Variants in PARM1 observed in about 807,000 individuals in gnomAD.
PARM1 encodes WSC4, cell wall integrity and stress response component 4 homolog.
In PARM1, 14 loss-of-function variants were observed where a neutral mutation model predicts 24.6. The ratio of observed to expected loss-of-function variants is 0.57; its 90% CI spans 0.38 to 0.89. The LOEUF (loss-of-function observed/expected upper bound fraction) is 0.89. Among genes scored for constraint, PARM1 ranks in the 40% least tolerant of loss-of-function variants. PARM1 has a pLI of 0.00. For synonymous variants in PARM1, 179 were observed against 156.6 expected (o/e 1.14, Z -1.07); for missense variants, 362 against 380.4 (o/e 0.95, Z 0.40).
chr4:75,012,561 T>A lies in PARM1; in HGVS notation c.180T>A (p.Thr60=), dbSNP rs2109794505. The part of the protein sequence containing the change: ...DADTASPSNG[T]HNNSVLPVTA... The stretch of plus-strand genomic sequence containing the variant: ...ACACTGCCTCCCCATCCAACGGCAC[T>A]CACAACAACTCGGTGCTCCCAGTTA... The change falls in exon 2 of 4, where the codon ACT becomes ACA. Residue 60 remains threonine (T), a synonymous_variant. Coordinates refer to ENST00000307428, the MANE Select transcript of PARM1 (RefSeq NM_015393.4). The A allele has an allele frequency of 6.2e-7, 1 of 1,613,862 alleles. No homozygotes were observed. The highest frequency in any genetic ancestry group is 1.1e-5 in the South Asian group (1 of 91,062).
chr4:75,012,477 G>C lies in PARM1; in HGVS notation c.96G>C (p.Pro32=), dbSNP rs754987524. ...PTSAPLSVSL[P]TNIVPPTTIW... ...CAGCTCCTTTGTCTGTTTCTCTTCCGACAAACATTGTACCACCGACCACCA... is the reference window on the plus strand; with the variant it reads ...CAGCTCCTTTGTCTGTTTCTCTTCCCACAAACATTGTACCACCGACCACCA... Residue 32 remains proline, a synonymous_variant, in exon 2 of 4, where the codon CCG becomes CCC. Transcript: ENST00000307428. 169 of 1,613,640 alleles carry C rather than the reference G, an allele frequency of 1.0e-4. 1 individual carries two copies. The highest frequency in any genetic ancestry group is 2.1e-5 in the Non-Finnish European group (25 of 1,179,858).
intron 2 of PARM1, among the ~76,000 whole-genome samples, chr4:75,027,660 T>G (rs1290958152): frequency 1.3e-5 from 2 of 152,180 alleles, no homozygotes; most frequent in Non-Finnish European, 2.9e-5. Flanking sequence ...AGCAGTTATT[T>G]TGCACCACAG....
chr4:74,989,054 C>T (rs973364911), intron 1 of PARM1, among the ~76,000 whole-genome samples: 6 of 152,150 alleles, frequency 3.9e-5, no homozygotes, highest in African/African-American at 1.4e-4. Context: ...GAGGAAAAAA[C>T]CAAAGTATTT....
chr4:75,042,480 A>T (rs1488043507), intron 3 of PARM1, among the ~76,000 whole-genome samples: 4 of 152,250 alleles, frequency 2.6e-5, no homozygotes, highest in Non-Finnish European at 5.9e-5. Flanking sequence ...TTTCATTAGC[A>T]GCACTACCAT....
At chr4:75,034,014 G>C in intron 3 of PARM1, 53 bp downstream of exon 3, 1 of 1,392,730 alleles carries the variant, frequency 7.2e-7, no homozygotes, top group Non-Finnish European at 1.0e-6. Context: ...TTGGGCTCTG[G>C]GCTGAGCGCT....
chr4:74,945,556 A>G (rs1461195832), intron 1 of PARM1, among the ~76,000 whole-genome samples: 5 of 152,200 alleles, frequency 3.3e-5, no homozygotes, highest in Admixed American at 2.6e-4. Flanking sequence ...CAAATATTCC[A>G]TTTTCTAAAA....
intron 2 of PARM1, among the ~76,000 whole-genome samples, chr4:75,029,854 T>G (rs1723244111): frequency 6.6e-6 from 1 of 151,972 alleles, no homozygotes; most frequent in East Asian, 1.9e-4. Context: ...GTGTGGAAAC[T>G]TTTTTAGGAC....
At chr4:75,022,041 T>A (rs970948944) in intron 2 of PARM1, among the ~76,000 whole-genome samples, 1 of 152,228 alleles carries the variant, frequency 6.6e-6, no homozygotes, top group Non-Finnish European at 1.5e-5. Flanking sequence ...CCAAACTGCT[T>A]TCCACAGTGG....
intron 2 of PARM1, among the ~76,000 whole-genome samples, chr4:75,024,335 T>C (rs2109803149): frequency 6.6e-6 from 1 of 152,222 alleles, no homozygotes; most frequent in African/African-American, 2.4e-5. Context: ...AGCTAGTGGT[T>C]CCTAGGAGGT....
At position 75,012,967 on chromosome 4, in the gene PARM1, C is replaced by G; in HGVS notation, c.586C>G (p.Pro196Ala). The change falls in exon 2 of 4, where the codon CCG (proline) becomes GCG (alanine). Residue 196 changes from proline (P) to alanine (A), a missense_variant. By Grantham distance (27) the Pro-to-Ala change is conservative. Transcript: ENST00000307428. ...PTGAPTAPESPTEESSSDHTP... is the reference protein window; with the variant it reads ...PTGAPTAPESATEESSSDHTP... Reference sequence around the variant, plus strand: ...TGGAGCTCCAACTGCACCAGAGTCCCCGACAGAGGAGTCCAGCTCTGACCA... The same window carrying G: ...TGGAGCTCCAACTGCACCAGAGTCCGCGACAGAGGAGTCCAGCTCTGACCA... The G allele has an allele frequency of 6.2e-7, 1 of 1,613,938 alleles. No individual in the cohort carries two copies. The highest frequency in any genetic ancestry group is 8.5e-7 in the Non-Finnish European group (1 of 1,179,864).
intron 1 of PARM1, chr4:74,970,200 G>A (rs1721998344): frequency 6.6e-6 from 1 of 152,204 alleles, no homozygotes; most frequent in Non-Finnish European, 1.5e-5. Context: ...ATGTGAACAG[G>A]AGGTATACAG....
At chr4:74,966,225 G>A (rs192797819) in intron 1 of PARM1, among the ~76,000 whole-genome samples, 3 of 152,082 alleles carry the variant, frequency 2.0e-5, no homozygotes, top group Admixed American at 6.5e-5. Flanking sequence ...TAGCTATCAT[G>A]TCAAAAAAAA....
At chr4:75,034,187 G>A (rs952350336) in intron 3 of PARM1, among the ~76,000 whole-genome samples, 1 of 152,164 alleles carries the variant, frequency 6.6e-6, no homozygotes, top group East Asian at 1.9e-4. Context: ...TATACAGCAT[G>A]ATGATGCAAT....
chr4:75,017,890 G>T (rs1443913879), intron 2 of PARM1, among the ~76,000 whole-genome samples: 1 of 152,210 alleles, frequency 6.6e-6, no homozygotes, highest in Non-Finnish European at 1.5e-5. Flanking sequence ...ATAGGATAGG[G>T]ATAGTATTCA....
At chr4:75,042,753 A>G (rs1723518486) in intron 3 of PARM1, among the ~76,000 whole-genome samples, 1 of 152,134 alleles carries the variant, frequency 6.6e-6, no homozygotes, top group African/African-American at 2.4e-5. Context: ...TCTTACTCTT[A>G]CTACAATAGT....
chr4:75,044,290 A>C (rs1723555053), intron 3 of PARM1, among the ~76,000 whole-genome samples: 1 of 152,228 alleles, frequency 6.6e-6, no homozygotes, highest in African/African-American at 2.4e-5. Context: ...TTCATATGCT[A>C]GCATGAGCCT....
In PARM1 at chr4:75,013,206, C is replaced by T; in HGVS notation, c.769+56C>T. On this transcript the variant is annotated intron_variant, in intron 2 of 3. Transcript: ENST00000307428. ...TTACTACACCCTCACATTAAGAATGCAGTTCAGTGAACCAAACACAATGGA... is the reference window on the plus strand; with the variant it reads ...TTACTACACCCTCACATTAAGAATGTAGTTCAGTGAACCAAACACAATGGA... 5 of 1,526,170 alleles carry T rather than the reference C, an allele frequency of 3.3e-6. No individual in the cohort carries two copies. In the South Asian group the frequency reaches 5.0e-5, roughly 15 times the overall value. 94.5% of individuals were successfully genotyped at this position (1,526,170 alleles called of 1,614,324 possible).
At chr4:74,952,400 C>G (rs1471772220) in intron 1 of PARM1, among the ~76,000 whole-genome samples, 1 of 152,194 alleles carries the variant, frequency 6.6e-6, no homozygotes, top group Non-Finnish European at 1.5e-5. Context: ...CCTGTTCACT[C>G]TGATGATAGT....
intron 2 of PARM1, among the ~76,000 whole-genome samples, chr4:75,013,960 G>A (rs1038262509): frequency 5.9e-5 from 9 of 152,084 alleles, no homozygotes; most frequent in African/African-American, 1.7e-4. Context: ...GTCTTTCATC[G>A]GAGCATTTCA....
Sources: gnomAD v4.1 joint callset for allele counts (sites outside exome capture counted in the v4.1 genomes callset) on GRCh38, gnomAD v4.1.1 for gene constraint, MANE v1.5 for transcripts, NCBI Gene and HGNC (gene_info 2026-07-23, HGNC 2026-07-21) for gene names.